Variants in GTF3C3 observed in about 807,000 individuals in gnomAD.
GTF3C3 encodes general transcription factor 3C polypeptide 3.
A neutral mutation model predicts 105.2 loss-of-function variants in GTF3C3; 75 were observed. The observed-to-expected ratio is 0.71, with a 90% confidence interval of 0.59 to 0.86. The LOEUF (loss-of-function observed/expected upper bound fraction) is 0.86, where lower values mean the gene tolerates loss of function less well. GTF3C3 is among the 40% of genes least tolerant of loss of function. GTF3C3 has a pLI of 0.00. For synonymous variants in GTF3C3, 335 were observed against 370.4 expected, an observed-to-expected ratio of 0.90 and a Z score of 1.10; for missense variants, 856 against 1,076.5, an observed-to-expected ratio of 0.80 and a Z score of 2.87.
chr2:196,783,290 G>A (rs1195345985), intron 8 of GTF3C3, among the ~76,000 whole-genome samples: 2 of 151,132 alleles, frequency 1.3e-5, no homozygotes, highest in East Asian at 1.9e-4. Flanking sequence ...GAGGGAGGGA[G>A]GGAGGGAAGT....
chr2:196,775,053 A>T, intron 13 of GTF3C3, 63 bp downstream of exon 13: 1 of 1,203,208 alleles, frequency 8.3e-7, no homozygotes, highest in Non-Finnish European at 1.2e-6. Flanking sequence ...GTCCAGTGTT[A>T]CTTCATGAGT....
At chr2:196,775,751 T>C (rs1377131549) in intron 12 of GTF3C3, among the ~76,000 whole-genome samples, 1 of 152,240 alleles carries the variant, frequency 6.6e-6, no homozygotes, top group Non-Finnish European at 1.5e-5. Flanking sequence ...CACATAGTAC[T>C]GTCCACAGGG....
chr2:196,797,961 C>A, intron 1 of GTF3C3, 53 bp from the exon 2 acceptor site: 3 of 1,012,350 alleles, frequency 3.0e-6, no homozygotes, highest in Admixed American at 1.7e-5. Context: ...ACTTAGCTCT[C>A]CCCAGCCACA....
Position 196,786,407 on chromosome 2 carries a change from G to C in GTF3C3, c.894-819C>G, listed in dbSNP as rs938708486. Reference sequence around the variant, plus strand: ...GTCCCCACTCTCAGTTGATGGCCTTGCTTGACATTTTTACCAAGAAAAGAG... The same window carrying C: ...GTCCCCACTCTCAGTTGATGGCCTTCCTTGACATTTTTACCAAGAAAAGAG... On this transcript the variant is annotated intron_variant, in intron 6 of 17. Transcript: ENST00000263956. This position sits in a 1 kb window ranked among gnomAD's most constrained non-coding sequence, Gnocchi z 4.2. Among the ~76,000 whole-genome samples, 2 of 152,100 alleles carry C rather than the reference G, an allele frequency of 1.3e-5. No individual in the cohort carries two copies. The highest frequency in any genetic ancestry group is 4.8e-5 in the African/African-American group (2 of 41,414).
At chr2:196,785,914 C>T (rs1377133909) in intron 6 of GTF3C3, among the ~76,000 whole-genome samples, 1 of 152,130 alleles carries the variant, frequency 6.6e-6, no homozygotes, top group East Asian at 1.9e-4. Flanking sequence ...TTGCCTACAC[C>T]CCGCCTGGGC....
intron 9 of GTF3C3, 63 bp from the exon 10 acceptor site, chr2:196,779,130 CTTTTT>C (rs879111814): frequency 3.9e-6 from 4 of 1,037,424 alleles, no homozygotes; most frequent in Non-Finnish European, 5.5e-6. Context: ...CTATCTATAG[CTTTTT>C]TTTTTTTTTT....
chr2:196,775,022 T>A, intron 13 of GTF3C3, 94 bp downstream of exon 13: 2 of 820,776 alleles, frequency 2.4e-6, no homozygotes, highest in Non-Finnish European at 3.7e-6. Context: ...ATTTGAAAAG[T>A]ATATTTTCAA....
rs1181431441 is a variant in GTF3C3 at position 196,781,354 on chromosome 2, AAAAATATATATAT to A, written c.1115-705_1115-693del. ...AAAATGTTAAGGGGAAAAAAAAAAA[AAAAATATATATAT>A]ATATATATATATATATATATAAAAT... On this transcript the variant is annotated intron_variant, in intron 8 of 17. Coordinates refer to ENST00000263956, the MANE Select transcript of GTF3C3 (RefSeq NM_012086.5). Among the ~76,000 whole-genome samples, 13 of 84,052 alleles carry A rather than the reference AAAAATATATATAT, an allele frequency of 1.5e-4. 2 individuals carry two copies. The highest frequency in any genetic ancestry group is 1.0e-3 in the Admixed American group (7 of 6,888). 55.1% of individuals were successfully genotyped at this position (84,052 alleles called of 152,430 possible). A position where few individuals can be genotyped will look rare whatever the true frequency, so the allele number is the denominator to read the frequency against.
At position 196,789,231 on chromosome 2, in the gene GTF3C3, A is replaced by T; in HGVS notation, c.866T>A (p.Phe289Tyr). The change falls in exon 6 of 18, where the codon TTT becomes TAT. Residue 289 changes from phenylalanine (F) to tyrosine (Y), a missense_variant. Transcript: ENST00000263956. Reference sequence around the variant, plus strand: ...TGCCATATCTCTAGCCAGCTGCATAAAACGTTCGCCATCAGATGGAGACAA... The same window carrying T: ...TGCCATATCTCTAGCCAGCTGCATATAACGTTCGCCATCAGATGGAGACAA... ...NLLSPSDGER[F>Y]MQLARDMAKS... The T allele has an allele frequency of 6.2e-7, 1 of 1,611,138 alleles. No individual in the cohort carries two copies. The highest frequency in any genetic ancestry group is 2.2e-5 in the East Asian group (1 of 44,872).
At chr2:196,772,503 G>A (rs1359182274) in intron 14 of GTF3C3, among the ~76,000 whole-genome samples, 1 of 152,118 alleles carries the variant, frequency 6.6e-6, no homozygotes, top group African/African-American at 2.4e-5. Context: ...AGCCGAGACT[G>A]TGTCATTGCA....
At chr2:196,794,798 G>A (rs1407171292) in intron 2 of GTF3C3, among the ~76,000 whole-genome samples, 3 of 151,146 alleles carry the variant, frequency 2.0e-5, no homozygotes, top group Non-Finnish European at 3.0e-5. Context: ...GCAGTGGCAC[G>A]ATCTCAGCTC....
At chr2:196,765,601 A>G (rs1161297250) in intron 17 of GTF3C3, among the ~76,000 whole-genome samples, 3 of 149,858 alleles carry the variant, frequency 2.0e-5, no homozygotes, top group East Asian at 3.9e-4. Context: ...GCATATATAA[A>G]TAATATGTAT....
intron 17 of GTF3C3, among the ~76,000 whole-genome samples, chr2:196,765,417 A>G (rs1232381194): frequency 6.6e-6 from 1 of 152,078 alleles, no homozygotes; most frequent in Non-Finnish European, 1.5e-5. Context: ...CCTTTAATAA[A>G]CAATCTCTTA....
chr2:196,768,413 T>C (rs1323933995), intron 16 of GTF3C3, among the ~76,000 whole-genome samples: 1 of 152,148 alleles, frequency 6.6e-6, no homozygotes, highest in Non-Finnish European at 1.5e-5. Context: ...AAGGGCCCAA[T>C]GTACTCACTG....
chr2:196,776,640 G>T lies in GTF3C3; in HGVS notation c.1391-11C>A, dbSNP rs778880254. ...AGGCCTTTAAACATTCTAAGATGATGTTAAAATAAAGCAAAAGTATGAACT... is the reference window on the plus strand; with the variant it reads ...AGGCCTTTAAACATTCTAAGATGATTTTAAAATAAAGCAAAAGTATGAACT... On this transcript the variant is annotated splice_polypyrimidine_tract_variant and intron_variant, in intron 10 of 17. Coordinates refer to ENST00000263956, the MANE Select transcript of GTF3C3 (RefSeq NM_012086.5). This position sits in a 1 kb window ranked among gnomAD's most constrained non-coding sequence, Gnocchi z 4.5. The T allele has an allele frequency of 6.3e-7, 1 of 1,588,096 alleles. No homozygotes were observed. Among genetic ancestry groups the T allele is most frequent in the South Asian group, 1.1e-5 (1 of 89,380 alleles).
intron 16 of GTF3C3, among the ~76,000 whole-genome samples, chr2:196,769,580 T>C (rs1409361838): frequency 1.3e-5 from 2 of 152,186 alleles, no homozygotes; most frequent in Non-Finnish European, 1.5e-5. Context: ...ATTTTTTTTT[T>C]CAACTACTTT....
At position 196,764,474 on chromosome 2, in the gene GTF3C3, A is replaced by C. The variant is rs1321430568; in HGVS notation, c.*89T>G. 1.8e-5 allele frequency: 21 copies of C among 1,152,020 alleles called. No individual in the cohort carries two copies. Among genetic ancestry groups the C allele is most frequent in the South Asian group, 1.1e-4 (5 of 47,120 alleles). The allele number at this position is 1,152,020 out of a possible 1,614,324, so 71.4% of individuals were successfully genotyped here. ...AGGTAATTCTGAAATTGTCATTTCT[A>C]TTTTGGAGTTACAAATAATAAGCCC... On this transcript the variant is annotated 3_prime_UTR_variant, in exon 18 of 18. Transcript: ENST00000263956.
In GTF3C3 at chr2:196,785,500, C is replaced by A; in HGVS notation, c.982G>T (p.Asp328Tyr). The change falls in exon 7 of 18, where the codon GAT (aspartate) becomes TAT (tyrosine). Residue 328 changes from aspartate (D) to tyrosine (Y), a missense_variant. By Grantham distance (160) the Asp-to-Tyr change is radical. Transcript: ENST00000263956. ...SKHQGLVSME[D>Y]VNIAAELYIS... ...TATAGTTCAGCTGCTATGTTAACAT[C>A]TTCCATGGAGACTAGGCCCTGGTGT... 1 of 1,609,916 alleles carries A rather than the reference C, an allele frequency of 6.2e-7. No individual in the cohort carries two copies. Among genetic ancestry groups the A allele is most frequent in the Non-Finnish European group, 8.5e-7 (1 of 1,176,734 alleles).
intron 12 of GTF3C3, 102 bp downstream of exon 12, chr2:196,775,908 A>C (rs966672897): frequency 1.9e-6 from 1 of 524,248 alleles, no homozygotes; most frequent in African/African-American, 2.0e-5. Context: ...GTTTGAGTTT[A>C]ATGAAGAAAA....
Sources: allele counts gnomAD v4.1 joint callset (sites outside exome capture counted in the v4.1 genomes callset), GRCh38; gene constraint gnomAD v4.1.1; non-coding constraint Gnocchi (gnomAD v3.1); transcripts MANE v1.5; gene names NCBI Gene and HGNC (gene_info 2026-07-23, HGNC 2026-07-21).